Variants in JARID2 observed in about 807,000 individuals in gnomAD.
JARID2 encodes the protein protein Jumonji.
A neutral mutation model predicts 125.6 loss-of-function variants in JARID2; 21 were observed. The ratio of observed to expected loss-of-function variants is 0.17; its 90% CI spans 0.12 to 0.24. The LOEUF is 0.24. Ranked by LOEUF, JARID2 falls within the 10% of genes least tolerant of loss-of-function variation. JARID2 has a pLI of 1.00. For synonymous variants in JARID2, 736 were observed against 661.6 expected, an observed-to-expected ratio of 1.11 and a Z score of -1.73; for missense variants, 1,303 against 1,639.6, an observed-to-expected ratio of 0.79 and a Z score of 3.55.
At chr6:15,283,711 T>G (rs546850402) in intron 1 of JARID2, among the ~76,000 whole-genome samples, 1 of 149,740 alleles carries the variant, frequency 6.7e-6, no homozygotes, top group South Asian at 2.1e-4. Context: ...AAGTATTTTT[T>G]TTTTTTTTTT....
intron 2 of JARID2, among the ~76,000 whole-genome samples, chr6:15,400,316 G>C (rs1482170036): frequency 6.6e-6 from 1 of 152,110 alleles, no homozygotes; most frequent in East Asian, 1.9e-4. Context: ...TGGAGGAGGA[G>C]CATGTGGAAA....
intron 3 of JARID2, among the ~76,000 whole-genome samples, chr6:15,422,812 T>G (rs79874519): frequency 0.02 from 3,025 of 152,260 alleles, 108 homozygotes; most frequent in African/African-American, 0.068. Flanking sequence ...CTTGGCAGAA[T>G]ACTGCTTATG....
At chr6:15,501,530 C>G in intron 8 of JARID2, 121 bp downstream of exon 8, 21 of 802,132 alleles carry the variant, frequency 2.6e-5, no homozygotes, top group Non-Finnish European at 3.6e-5. Context: ...GATGAGGGGG[C>G]GGGCCACTGT....
chr6:15,465,595 C>T (rs186509895), intron 4 of JARID2, among the ~76,000 whole-genome samples: 12 of 151,454 alleles, frequency 7.9e-5, no homozygotes, highest in Admixed American at 5.2e-4. Flanking sequence ...CTCTCAACAT[C>T]TTGAGTGCAA....
intron 2 of JARID2, 136 bp downstream of exon 2, chr6:15,374,388 C>A: frequency 2.4e-6 from 2 of 830,492 alleles, no homozygotes; most frequent in Non-Finnish European, 3.8e-6. Flanking sequence ...CTAGGTGAAT[C>A]TGCACTGCAG....
intron 14 of JARID2, among the ~76,000 whole-genome samples, chr6:15,512,620 C>T (rs893645997): frequency 6.6e-6 from 1 of 152,090 alleles, no homozygotes; most frequent in Non-Finnish European, 1.5e-5. Context: ...CTGACAGACC[C>T]CTCCAGTATT....
chr6:15,408,277 C>A (rs1765731488), intron 2 of JARID2, among the ~76,000 whole-genome samples: 1 of 152,160 alleles, frequency 6.6e-6, no homozygotes, highest in Admixed American at 6.5e-5. Flanking sequence ...AATTTGAACT[C>A]CACCAAGACG....
At chr6:15,409,486 C>T (rs1218379600) in intron 2 of JARID2, among the ~76,000 whole-genome samples, 1 of 152,168 alleles carries the variant, frequency 6.6e-6, no homozygotes, top group African/African-American at 2.4e-5. Flanking sequence ...TGTTATTCAC[C>T]CGTTTCCCTA....
intron 3 of JARID2, among the ~76,000 whole-genome samples, chr6:15,411,518 A>G (rs892252202): frequency 6.6e-6 from 1 of 152,214 alleles, no homozygotes; most frequent in African/African-American, 2.4e-5. Context: ...TTATTAGTAT[A>G]GTTAGGATCT....
chr6:15,396,612 T>C (rs1765230572), intron 2 of JARID2, among the ~76,000 whole-genome samples: 1 of 152,228 alleles, frequency 6.6e-6, no homozygotes, highest in Non-Finnish European at 1.5e-5. Context: ...TATACATAAA[T>C]ACTGTACAGT....
At chr6:15,281,935 TG>T (rs1760767614) in intron 1 of JARID2, among the ~76,000 whole-genome samples, 2 of 147,522 alleles carry the variant, frequency 1.4e-5, no homozygotes, top group Non-Finnish European at 3.0e-5. Context: ...TGTGTGTGTG[TG>T]TGTGTGTGTG....
At chr6:15,393,338 A>G (rs1765096216) in intron 2 of JARID2, among the ~76,000 whole-genome samples, 1 of 152,212 alleles carries the variant, frequency 6.6e-6, no homozygotes, top group South Asian at 2.1e-4. Context: ...TGAGTTCAAA[A>G]TTATCTTTGT....
chr6:15,295,512 A>C (rs1189798567), intron 1 of JARID2, among the ~76,000 whole-genome samples: 1 of 152,222 alleles, frequency 6.6e-6, no homozygotes, highest in African/African-American at 2.4e-5. Flanking sequence ...ACAGTGGTTC[A>C]GCATTGGCAT....
intron 6 of JARID2, among the ~76,000 whole-genome samples, chr6:15,489,258 T>A (rs1770031122): frequency 6.6e-6 from 1 of 152,188 alleles, no homozygotes; most frequent in Non-Finnish European, 1.5e-5. Flanking sequence ...TGTGGTAAAA[T>A]TCTCATGGGC....
intron 1 of JARID2, among the ~76,000 whole-genome samples, chr6:15,285,966 A>T (rs1479579713): frequency 6.6e-6 from 1 of 152,194 alleles, no homozygotes; most frequent in African/African-American, 2.4e-5. Context: ...CTGATGTATA[A>T]CTATGAGCAG....
chr6:15,369,748 A>C (rs993767071), intron 1 of JARID2, among the ~76,000 whole-genome samples: 27 of 152,246 alleles, frequency 1.8e-4, no homozygotes, highest in Admixed American at 1.6e-3. Flanking sequence ...GTCTGAACAG[A>C]TGTAAGTGGG....
intron 1 of JARID2, among the ~76,000 whole-genome samples, chr6:15,312,483 C>T (rs1023126482): frequency 2.0e-5 from 3 of 152,242 alleles, no homozygotes; most frequent in Non-Finnish European, 2.9e-5. Flanking sequence ...ATATATGCAC[C>T]TCCTGTCACC....
intron 1 of JARID2, among the ~76,000 whole-genome samples, chr6:15,338,627 A>G (rs1367231313): frequency 2.0e-5 from 3 of 152,090 alleles, no homozygotes; most frequent in Non-Finnish European, 4.4e-5. Flanking sequence ...AGCCCAGGAA[A>G]GTAAAGAGGC....
At position 15,400,570 on chromosome 6, in the gene JARID2, A is replaced by C. The variant is rs533119654; in HGVS notation, c.182-9654A>C. On this transcript the variant is annotated intron_variant, in intron 2 of 17. Transcript: ENST00000341776. The stretch of plus-strand genomic sequence containing the variant: ...AAACTGTGAATGTCCCCCTCCCCCC[A>C]TATGTCAGAAATTCTATACTTCGGA... Among the ~76,000 whole-genome samples, 4 of 152,114 alleles carry C rather than the reference A, an allele frequency of 2.6e-5. No homozygotes were observed. In the South Asian group the frequency reaches 8.3e-4, roughly 32 times the overall value.
Sources: gnomAD v4.1 joint callset for allele counts (sites outside exome capture counted in the v4.1 genomes callset) on GRCh38, gnomAD v4.1.1 for gene constraint, MANE v1.5 for transcripts, NCBI Gene and HGNC (gene_info 2026-07-23, HGNC 2026-07-21) for gene names.